Variants in MYPN observed in about 807,000 individuals in gnomAD.
MYPN encodes sarcomeric protein myopalladin, 145 kDa (MYOP).
A neutral mutation model predicts 129.4 loss-of-function variants in MYPN; 63 were observed. That is an observed-to-expected ratio of 0.49 (90% CI 0.40 to 0.60). The LOEUF is 0.60. Among genes scored for constraint, MYPN ranks in the 20% least tolerant of loss-of-function variants. MYPN has a pLI of 0.00. For missense variants in MYPN, 1,596 were observed against 1,635.4 expected (o/e 0.98, Z 0.42); for synonymous variants, 629 against 600.9 (o/e 1.05, Z -0.68).
At chr10:68,200,022 T>C (rs4746737) in intron 17 of MYPN, among the ~76,000 whole-genome samples, 88,091 of 152,100 alleles carry the variant, frequency 0.58, 27,497 homozygotes, top group Non-Finnish European at 0.69. Context: ...CTAACTGAAA[T>C]GTCACCACCA....
At chr10:68,137,542 T>C (rs1381490470) in intron 2 of MYPN, among the ~76,000 whole-genome samples, 1 of 152,188 alleles carries the variant, frequency 6.6e-6, no homozygotes, top group Non-Finnish European at 1.5e-5. Flanking sequence ...ATATCACGCA[T>C]TGGTCATCAG....
rs1434911580 is a variant in MYPN at position 68,158,558 on chromosome 10, C to T, written c.1390C>T (p.Pro464Ser). 1 of 1,613,028 alleles carries T rather than the reference C, an allele frequency of 6.2e-7. No homozygotes were observed. Among genetic ancestry groups the T allele is most frequent in the South Asian group, 1.1e-5 (1 of 91,054 alleles). ...ATGCAGAGTAAAAGGAGCTCCATCT[C>T]CTAAGGTTGAGTGGTATAGAGAAGG... ...FECRVKGAPS[P>S]KVEWYREGTL... Residue 464 changes from proline to serine, a missense_variant, in exon 7 of 20, where the codon CCT becomes TCT. Coordinates refer to ENST00000358913, the MANE Select transcript of MYPN (RefSeq NM_032578.4).
Position 68,089,423 on chromosome 10 carries a change from G to A in MYPN, c.-2+1431G>A, listed in dbSNP as rs888582267. Reference sequence around the variant, plus strand: ...GTGGCGCGATCTCGGCTCACTGCAAGCTCCGTTTCCCGGGTTCATGCCATT... The same window carrying A: ...GTGGCGCGATCTCGGCTCACTGCAAACTCCGTTTCCCGGGTTCATGCCATT... On this transcript the variant is annotated intron_variant, in intron 1 of 6. Coordinates refer to the MYPN transcript ENST00000685154. Among the ~76,000 whole-genome samples the A allele has an allele frequency of 1.1e-4, 16 of 152,030 alleles. 1 individual carries two copies. Among genetic ancestry groups the A allele is most frequent in the African/African-American group, 3.1e-4 (13 of 41,362 alleles).
rs80011234 is a variant in MYPN at position 68,141,983 on chromosome 10, C to A, written c.903-957C>A. Among the ~76,000 whole-genome samples, 425 of 152,230 alleles carry A rather than the reference C, an allele frequency of 2.8e-3. 5 individuals carry two copies. Among genetic ancestry groups the A allele is most frequent in the African/African-American group, 9.7e-3 (404 of 41,538 alleles). ...TGCATCAGTCCCCTGAGGATGAACG[C>A]CTGAATGGTTTACAATGTTTTGCTG... On this transcript the variant is annotated intron_variant, in intron 2 of 19. Transcript: ENST00000358913.
rs1187396627 is a variant in MYPN at position 68,100,633 on chromosome 10, T to G, written c.-2+12641T>G. 2.2e-4 allele frequency among the ~76,000 whole-genome samples: 33 copies of G among 152,162 alleles called. 1 individual carries two copies. The stretch of plus-strand genomic sequence containing the variant: ...GGCAAAGGTAGTCAGAAAAAAATAG[T>G]AGTAAGCCGGTTTAGAAGGATGTAA... On this transcript the variant is annotated intron_variant, in intron 1 of 6. Transcript: ENST00000685154.
chr10:68,147,145 A>AT (rs1474859115), intron 4 of MYPN, among the ~76,000 whole-genome samples: 3 of 151,998 alleles, frequency 2.0e-5, no homozygotes, highest in South Asian at 2.1e-4. Context: ...TGAGATAAGA[A>AT]TTTTTTTATT....
At chr10:68,158,401 C>T in intron 6 of MYPN, 85 bp from the exon 7 acceptor site, 1 of 1,304,806 alleles carries the variant, frequency 7.7e-7, no homozygotes, top group South Asian at 1.2e-5. Context: ...ATGGAGACGG[C>T]ATCTTTTTCT....
chr10:68,098,096 A>G (rs2041965328), intron 1 of MYPN, among the ~76,000 whole-genome samples: 1 of 152,076 alleles, frequency 6.6e-6, no homozygotes, highest in Non-Finnish European at 1.5e-5. Flanking sequence ...AAATACAAAA[A>G]TTAGCTGGGC....
At chr10:68,199,268 C>G in intron 16 of MYPN, 100 bp from the exon 17 acceptor site, 1 of 1,176,074 alleles carries the variant, frequency 8.5e-7, no homozygotes, top group Non-Finnish European at 1.2e-6. Context: ...CATGTTTTCT[C>G]TCACTGTCTG....
Position 68,174,272 on chromosome 10 carries a change from T to G in MYPN, c.2180T>G (p.Phe727Cys), listed in dbSNP as rs1401570631. 6.2e-7 allele frequency: 1 copy of G among 1,613,974 alleles called. No homozygotes were observed. The highest frequency in any genetic ancestry group is 8.5e-7 in the Non-Finnish European group (1 of 1,180,026). ...AGCTTGGCCCGGCCGAAGTATTTCT[T>G]CCCCTCCACGAACACCACCGCAGCA... ...TFSLARPKYFFPSTNTTAATV... is the reference protein window; with the variant it reads ...TFSLARPKYFCPSTNTTAATV... Residue 727 changes from phenylalanine (F) to cysteine (C), a missense_variant, in exon 11 of 20, where the codon TTC becomes TGC. By Grantham distance (205) the Phe-to-Cys change is radical. Coordinates refer to ENST00000358913, the MANE Select transcript of MYPN (RefSeq NM_032578.4).
chr10:68,152,134 A>G (rs1291636658), intron 6 of MYPN, among the ~76,000 whole-genome samples: 3 of 152,234 alleles, frequency 2.0e-5, no homozygotes, highest in African/African-American at 4.8e-5. Context: ...TATTAACAAT[A>G]GAAAGGAACG....
Position 68,121,426 on chromosome 10 carries a change from A to G in MYPN, c.-1-12A>G, listed in dbSNP as rs1236020519. 1.2e-6 allele frequency: 2 copies of G among 1,605,394 alleles called. No individual in the cohort carries two copies. Among genetic ancestry groups the G allele is most frequent in the African/African-American group, 1.3e-5 (1 of 74,278 alleles). On this transcript the variant is annotated splice_polypyrimidine_tract_variant and intron_variant, in intron 1 of 19. Transcript: ENST00000358913. ...ATGATCCAAACTTTTTGTTATTATTATTTTGTGACAGCATGCAAGACGACA... is the reference window on the plus strand; with the variant it reads ...ATGATCCAAACTTTTTGTTATTATTGTTTTGTGACAGCATGCAAGACGACA...
chr10:68,183,677 A>T (rs1198066861), intron 12 of MYPN, among the ~76,000 whole-genome samples: 1 of 152,120 alleles, frequency 6.6e-6, no homozygotes, highest in African/African-American at 2.4e-5. Flanking sequence ...AAATTTGAGG[A>T]CATAATAAAA....
At chr10:68,140,478 A>T (rs573674472) in intron 2 of MYPN, among the ~76,000 whole-genome samples, 95 of 152,062 alleles carry the variant, frequency 6.2e-4, no homozygotes, top group Non-Finnish European at 1.0e-3. Context: ...AAGCGTGTAT[A>T]ATCAGGTATT....
intron 1 of MYPN, among the ~76,000 whole-genome samples, chr10:68,116,009 TC>T (rs888967790): frequency 3.3e-5 from 5 of 152,260 alleles, no homozygotes; most frequent in African/African-American, 1.2e-4. Context: ...TTATTCTCAA[TC>T]CCCCTTTTCT....
chr10:68,123,917 T>A (rs1300288310), intron 2 of MYPN, among the ~76,000 whole-genome samples: 1 of 152,104 alleles, frequency 6.6e-6, no homozygotes, highest in African/African-American at 2.4e-5. Flanking sequence ...TAAAAACCTA[T>A]AGAATTGGGC....
At chr10:68,167,399 T>A (rs761381691) in intron 10 of MYPN, among the ~76,000 whole-genome samples, 22 of 152,224 alleles carry the variant, frequency 1.4e-4, no homozygotes, top group Non-Finnish European at 2.4e-4. Flanking sequence ...TAGCTGCAGC[T>A]GGATGAATAT....
At chr10:68,196,580 C>A (rs1455073002) in intron 15 of MYPN, among the ~76,000 whole-genome samples, 1 of 150,322 alleles carries the variant, frequency 6.7e-6, no homozygotes, top group African/African-American at 2.4e-5. Flanking sequence ...ACCTTCCGGG[C>A]TCAAGTGATC....
At chr10:68,139,584 T>A (rs932579347) in intron 2 of MYPN, among the ~76,000 whole-genome samples, 1 of 152,228 alleles carries the variant, frequency 6.6e-6, no homozygotes, top group African/African-American at 2.4e-5. Context: ...AATTTGGAAC[T>A]GCACACGCTC....
Sources: gnomAD v4.1 joint callset for allele counts (sites outside exome capture counted in the v4.1 genomes callset) on GRCh38, gnomAD v4.1.1 for gene constraint, MANE v1.5 for transcripts, NCBI Gene and HGNC (gene_info 2026-07-23, HGNC 2026-07-21) for gene names.